Variants in LDLRAD4 observed in about 807,000 individuals in gnomAD.
LDLRAD4 encodes low-density lipoprotein receptor class A domain-containing protein 4.
Under a neutral mutation model 17.0 loss-of-function variants are expected in LDLRAD4, and 5 were observed. The ratio of observed to expected loss-of-function variants is 0.29; its 90% CI spans 0.15 to 0.62. LDLRAD4 has a LOEUF of 0.62. Ranked by LOEUF, LDLRAD4 falls within the 20% of genes least tolerant of loss-of-function variation. The probability of loss-of-function intolerance (pLI) is 0.84; values close to 1 mark genes in which losing one functional copy is unlikely to be tolerated. For synonymous variants in LDLRAD4, 168 were observed against 171.8 expected (o/e 0.98, Z 0.17); for missense variants, 340 against 424.7 (o/e 0.80, Z 1.75).
At chr18:13,428,586 G>T (rs371040861) in intron 2 of LDLRAD4, among the ~76,000 whole-genome samples, 2 of 152,158 alleles carry the variant, frequency 1.3e-5, no homozygotes, top group Non-Finnish European at 2.9e-5. Flanking sequence ...TGAGTAAACC[G>T]TGGTGGAAGG....
chr18:13,272,257 C>T (rs1458790661), intron 1 of LDLRAD4, among the ~76,000 whole-genome samples: 1 of 152,116 alleles, frequency 6.6e-6, no homozygotes, highest in Non-Finnish European at 1.5e-5. Flanking sequence ...GTCTGGGTTG[C>T]CTTGGTCCAG....
rs150131757 is a variant in LDLRAD4, at chr18:13,446,387, G to A, written c.181+8003G>A. Among the ~76,000 whole-genome samples, 3 of 152,250 alleles carry A rather than the reference G, an allele frequency of 2.0e-5. No homozygotes were observed. In the East Asian group the frequency reaches 5.8e-4, roughly 29 times the overall value. ...AAAGGCTTGAAGGGCTTGGGTGGTG[G>A]GGATCAAACCAACCGTCTTCTGTTC... On this transcript the variant is annotated intron_variant, in intron 3 of 5. Transcript: ENST00000359446.
chr18:13,373,083 A>G (rs1477095328), intron 1 of LDLRAD4, among the ~76,000 whole-genome samples: 1 of 151,934 alleles, frequency 6.6e-6, no homozygotes, highest in African/African-American at 2.4e-5. Flanking sequence ...TTTATTCCCA[A>G]TTATTTTTAT....
At chr18:13,624,948 C>G (rs998166564) in intron 4 of LDLRAD4, among the ~76,000 whole-genome samples, 3 of 152,232 alleles carry the variant, frequency 2.0e-5, no homozygotes, top group African/African-American at 7.2e-5. Flanking sequence ...TATCAGGGCC[C>G]CTGCAAGCCC....
chr18:13,284,741 C>T (rs1291801361), intron 1 of LDLRAD4, among the ~76,000 whole-genome samples: 22 of 152,202 alleles, frequency 1.4e-4, no homozygotes. Flanking sequence ...CACCCCAGCA[C>T]CTCCCTGTCC....
chr18:13,286,041 T>A (rs2045602834), intron 1 of LDLRAD4, among the ~76,000 whole-genome samples: 1 of 152,166 alleles, frequency 6.6e-6, no homozygotes, highest in Admixed American at 6.5e-5. Context: ...TTTCCAGAAC[T>A]CTCTCCATTT....
chr18:13,389,978 C>A (rs2086141565), intron 2 of LDLRAD4, among the ~76,000 whole-genome samples: 1 of 151,228 alleles, frequency 6.6e-6, no homozygotes, highest in Non-Finnish European at 1.5e-5. Flanking sequence ...TCCTCCCCAG[C>A]TCACGTTTTT....
rs540473937 is a variant in LDLRAD4, at chr18:13,415,794, G to A, written c.41-22450G>A. Among the ~76,000 whole-genome samples, 82 of 152,334 alleles carry A rather than the reference G, an allele frequency of 5.4e-4. No homozygotes were observed. The South Asian group carries it at 0.017, about 31-fold the overall frequency. On this transcript the variant is annotated intron_variant, in intron 2 of 5. Coordinates refer to ENST00000359446, the Ensembl canonical transcript of LDLRAD4. Reference sequence around the variant, plus strand: ...CAGGGCCACGCTGCCCGGTGTCCCAGCCCAGCAGGCATCAGGGTGGGTGGG... The same window carrying A: ...CAGGGCCACGCTGCCCGGTGTCCCAACCCAGCAGGCATCAGGGTGGGTGGG...
intron 1 of LDLRAD4, among the ~76,000 whole-genome samples, chr18:13,338,465 A>G (rs1226976374): frequency 1.3e-5 from 2 of 152,190 alleles, no homozygotes; most frequent in Non-Finnish European, 2.9e-5. Flanking sequence ...AGCTCTGACC[A>G]CTGCTGTGCC....
intron 3 of LDLRAD4, among the ~76,000 whole-genome samples, chr18:13,525,765 A>T (rs1474798486): frequency 1.3e-5 from 2 of 152,210 alleles, no homozygotes; most frequent in Non-Finnish European, 2.9e-5. Context: ...GTGGAAAACT[A>T]AAGCCCTTAC....
chr18:13,422,672 T>C (rs11877161), intron 2 of LDLRAD4, among the ~76,000 whole-genome samples: 4,629 of 152,286 alleles, frequency 0.03, 255 homozygotes, highest in African/African-American at 0.11. Context: ...CACTCCAGCC[T>C]GGGTGGCAGA....
chr18:13,309,834 C>T (rs533684209), intron 1 of LDLRAD4, among the ~76,000 whole-genome samples: 2 of 152,258 alleles, frequency 1.3e-5, no homozygotes, highest in South Asian at 4.2e-4. Flanking sequence ...GATGGGTGCA[C>T]ATAGCCCTTC....
chr18:13,462,967 G>C (rs1328413280), intron 3 of LDLRAD4, among the ~76,000 whole-genome samples: 3 of 152,172 alleles, frequency 2.0e-5, no homozygotes, highest in African/African-American at 7.2e-5. Flanking sequence ...GGGCTCTCTA[G>C]GGCAAGCTGA....
chr18:13,379,823 G>A (rs1301658589), intron 1 of LDLRAD4, among the ~76,000 whole-genome samples: 1 of 152,224 alleles, frequency 6.6e-6, no homozygotes, highest in Non-Finnish European at 1.5e-5. Flanking sequence ...GAATGAGACA[G>A]CTCCCCCTCC....
rs555493611 is a variant in LDLRAD4 at position 13,255,042 on chromosome 18, A to G, written c.-466-23063A>G. ...AGACTAAAACAGTAATCATCAGATG[A>G]AATGATAGTAGAAAATATGAAATAT... On this transcript the variant is annotated intron_variant, in intron 1 of 5. Coordinates refer to the LDLRAD4 transcript ENST00000399848. 3.9e-5 allele frequency among the ~76,000 whole-genome samples: 6 copies of G among 152,366 alleles called. No individual in the cohort carries two copies. In the East Asian group the frequency reaches 9.6e-4, roughly 24 times the overall value.
chr18:13,225,026 G>A (rs776446015), intron 1 of LDLRAD4, among the ~76,000 whole-genome samples: 15 of 151,830 alleles, frequency 9.9e-5, no homozygotes, highest in Non-Finnish European at 1.3e-4. Context: ...AGTAGAGACG[G>A]GGTTTCGTCA....
chr18:13,275,729 T>G (rs1015892932), upstream of LDLRAD4, among the ~76,000 whole-genome samples: 2 of 152,136 alleles, frequency 1.3e-5, no homozygotes, highest in African/African-American at 4.8e-5. Context: ...TCATGTACCC[T>G]GTAAATACAT....
intron 3 of LDLRAD4, among the ~76,000 whole-genome samples, chr18:13,512,267 C>T (rs1785205): frequency 0.63 from 96,324 of 151,996 alleles, 31,348 homozygotes; most frequent in South Asian, 0.73. Context: ...CTGAAATAAA[C>T]CTCCACCAGA....
At chr18:13,414,415 T>G (rs1333759996) in intron 2 of LDLRAD4, among the ~76,000 whole-genome samples, 1 of 152,256 alleles carries the variant, frequency 6.6e-6, no homozygotes, top group Non-Finnish European at 1.5e-5. Context: ...CTATTGTCAC[T>G]GTCACTTAGA....
Sources: allele counts gnomAD v4.1 joint callset (sites outside exome capture counted in the v4.1 genomes callset), GRCh38; gene constraint gnomAD v4.1.1; transcripts MANE v1.5; gene names NCBI Gene and HGNC (gene_info 2026-07-23, HGNC 2026-07-21).